Variants in CACTIN observed in about 807,000 individuals in gnomAD.
CACTIN encodes splicing factor Cactin.
CACTIN carries 20 observed loss-of-function variants against 84.9 expected under a neutral mutation model. That is an observed-to-expected ratio of 0.24 (90% CI 0.17 to 0.34). The LOEUF (loss-of-function observed/expected upper bound fraction) is 0.34. Among genes scored for constraint, CACTIN ranks in the 10% least tolerant of loss-of-function variants. CACTIN has a pLI of 1.00. For missense variants in CACTIN, 897 were observed against 1,117.2 expected, an observed-to-expected ratio of 0.80 and a Z score of 2.81; for synonymous variants, 549 against 467.9, an observed-to-expected ratio of 1.17 and a Z score of -2.24.
intron 7 of CACTIN, 121 bp downstream of exon 7, chr19:3,614,276 C>A: frequency 9.6e-7 from 1 of 1,041,218 alleles, no homozygotes; most frequent in African/African-American, 1.6e-5. Flanking sequence ...CACTTTCCTG[C>A]CCCTCTCCAC....
In CACTIN at chr19:3,621,828, G is replaced by A. The variant is rs566654317; in HGVS notation, c.643-1026C>T. On this transcript the variant is annotated intron_variant, in intron 2 of 9. Transcript: ENST00000429344. ...GAAGGGGCAGAGCATGTCCAGGCAGGGGCGCGGCAGTGTGAGGGCCCCGAG... is the reference window on the plus strand; with the variant it reads ...GAAGGGGCAGAGCATGTCCAGGCAGAGGCGCGGCAGTGTGAGGGCCCCGAG... Among the ~76,000 whole-genome samples, 503 of 152,314 alleles carry A rather than the reference G, an allele frequency of 3.3e-3. 3 individuals are homozygous for A. The highest frequency in any genetic ancestry group is 0.024 in the Middle Eastern group (7 of 294).
At chr19:3,624,640 C>T (rs539766542) in intron 1 of CACTIN, among the ~76,000 whole-genome samples, 21 of 151,874 alleles carry the variant, frequency 1.4e-4, no homozygotes, top group African/African-American at 4.6e-4. Flanking sequence ...GGAGGAGGCG[C>T]GGGCAGGGAG....
intron 4 of CACTIN, among the ~76,000 whole-genome samples, chr19:3,619,764 C>T (rs2033183969): frequency 6.6e-6 from 1 of 152,090 alleles, no homozygotes; most frequent in Non-Finnish European, 1.5e-5. Flanking sequence ...AGCCTGATGT[C>T]ACCCGCCACG....
chr19:3,612,588 T>C (rs1254320448), intron 9 of CACTIN, among the ~76,000 whole-genome samples, 175 bp from the exon 10 acceptor site: 1 of 152,144 alleles, frequency 6.6e-6, no homozygotes, highest in African/African-American at 2.4e-5. Context: ...ACCCACACCA[T>C]CCGCCCCGAG....
In CACTIN at chr19:3,618,857, G is replaced by C. The variant is rs761159062; in HGVS notation, c.1162+18C>G. ...CCCCCGCAGCTCCCCTGGAGCCCAG[G>C]CCCATGCCCGCCGTTACCTGGCCCC... On this transcript the variant is annotated intron_variant, in intron 6 of 9. Coordinates refer to ENST00000429344, the MANE Select transcript of CACTIN (RefSeq NM_001080543.2). The C allele has an allele frequency of 6.5e-7, 1 of 1,532,796 alleles. No individual in the cohort carries two copies. The highest frequency in any genetic ancestry group is 1.2e-5 in the South Asian group (1 of 83,548). The allele number at this position is 1,532,796 out of a possible 1,614,324, so 94.9% of individuals were successfully genotyped here.
rs1268209685 is a variant in CACTIN, at chr19:3,611,799, G to T, written c.*124C>A. On this transcript the variant is annotated 3_prime_UTR_variant, in exon 10 of 10. Coordinates refer to ENST00000429344, the MANE Select transcript of CACTIN (RefSeq NM_001080543.2). ...TGAGGCCTGGCGAAAGAAAGATGCG[G>T]CCTGAGGTGGGACGTGAACCCGCGG... The T allele has an allele frequency of 2.5e-6, 3 of 1,219,662 alleles. No individual in the cohort carries two copies. The highest frequency in any genetic ancestry group is 3.5e-6 in the Non-Finnish European group (3 of 857,570). The allele number at this position is 1,219,662 out of a possible 1,614,324, so 75.6% of individuals were successfully genotyped here.
rs1674497877 is a variant in CACTIN, at chr19:3,611,618, G to C, written c.*305C>G. 1.2e-5 allele frequency: 5 copies of C among 430,588 alleles called. No individual in the cohort carries two copies. Among genetic ancestry groups the C allele is most frequent in the Non-Finnish European group, 2.2e-5 (5 of 229,042 alleles). The allele number at this position is 430,588 out of a possible 1,614,324, so 26.7% of individuals were successfully genotyped here. A position where few individuals can be genotyped will look rare whatever the true frequency, so the allele number is the denominator to read the frequency against. Reference sequence around the variant, plus strand: ...GCGGTGGAGAGTGTCCGCCTGGACGGTGAGGTCAGCTGGCGGCTGCTGGCC... The same window carrying C: ...GCGGTGGAGAGTGTCCGCCTGGACGCTGAGGTCAGCTGGCGGCTGCTGGCC... On this transcript the variant is annotated 3_prime_UTR_variant, in exon 10 of 10. Transcript: ENST00000429344.
intron 1 of CACTIN, 22 bp downstream of exon 1, chr19:3,626,574 G>T: frequency 7.1e-7 from 1 of 1,411,434 alleles, no homozygotes. Context: ...GATCCCCAGC[G>T]CTGCTCCCGC....
intron 9 of CACTIN, 42 bp from the exon 10 acceptor site, chr19:3,612,455 T>C (rs1334431316): frequency 1.3e-6 from 2 of 1,536,302 alleles, no homozygotes; most frequent in East Asian, 2.3e-5. Flanking sequence ...GGCCTCCCCC[T>C]GGGTCCTGGC....
chr19:3,613,302 C>T lies in CACTIN; in HGVS notation c.1542G>A (p.Glu514=), dbSNP rs760329699. 1.7e-5 allele frequency: 27 copies of T among 1,590,508 alleles called. 1 individual carries two copies. The East Asian group carries it at 5.7e-4, about 34-fold the overall frequency. ...PGPSSEGGPA[E]AEVDGATPTE... is the part of the protein sequence containing the mutation. Reference sequence around the variant, plus strand: ...TCGGGGTCGCGCCGTCCACCTCGGCCTCCGCGGGGCCGCCCTCCGAGGAGG... The same window carrying T: ...TCGGGGTCGCGCCGTCCACCTCGGCTTCCGCGGGGCCGCCCTCCGAGGAGG... The change falls in exon 9 of 10, where the codon GAG becomes GAA. Residue 514 remains glutamate, a synonymous_variant. Coordinates refer to ENST00000429344, the MANE Select transcript of CACTIN (RefSeq NM_001080543.2).
In CACTIN at chr19:3,611,850, G is replaced by C. The variant is rs945320445; in HGVS notation, c.*73C>G. ...CCCTGCAGCCCAGACAGCGGCCCCG[G>C]AGTGACCACCAGCTTCACCGAAGCC... On this transcript the variant is annotated 3_prime_UTR_variant, in exon 10 of 10. Transcript: ENST00000429344. 5.1e-6 allele frequency: 8 copies of C among 1,565,298 alleles called. No homozygotes were observed. The African/African-American group carries it at 8.1e-5, about 16-fold the overall frequency.
chr19:3,618,818 G>T, intron 6 of CACTIN, 57 bp downstream of exon 6: 2 of 1,347,698 alleles, frequency 1.5e-6, no homozygotes, highest in Non-Finnish European at 2.0e-6. Context: ...GAGGCTTCTG[G>T]GTGAACACTG....
chr19:3,626,435 G>A (rs2033334763), intron 1 of CACTIN, among the ~76,000 whole-genome samples, 161 bp downstream of exon 1: 1 of 152,176 alleles, frequency 6.6e-6, no homozygotes, highest in African/African-American at 2.4e-5. Flanking sequence ...CCTTCCTTCC[G>A]CTGCCAGGTT....
rs1273698264 is a variant in CACTIN at position 3,613,380 on chromosome 19, C to T, written c.1479-15G>A. ...CAGGCTCCAGGCTGGGAGGAGAGAG[C>T]GTTGGAGGCGCGGAGGCTGCCCACG... On this transcript the variant is annotated splice_polypyrimidine_tract_variant and intron_variant, in intron 8 of 9. Coordinates refer to ENST00000429344, the MANE Select transcript of CACTIN (RefSeq NM_001080543.2). The T allele has an allele frequency of 2.0e-6, 3 of 1,527,798 alleles. No homozygotes were observed. Among genetic ancestry groups the T allele is most frequent in the East Asian group, 2.5e-5 (1 of 40,798 alleles). 94.6% of individuals were successfully genotyped at this position (1,527,798 alleles called of 1,614,324 possible).
chr19:3,612,838 C>G, intron 9 of CACTIN: 1 of 724,440 alleles, frequency 1.4e-6, no homozygotes, highest in Non-Finnish European at 2.5e-6. Flanking sequence ...GCTTCCACCA[C>G]CTGTGGCCCC....
Position 3,614,593 on chromosome 19 carries a change from C to A in CACTIN, c.1163-4G>T. 1.3e-6 allele frequency: 2 copies of A among 1,595,216 alleles called. No individual in the cohort carries two copies. The highest frequency in any genetic ancestry group is 1.7e-4 in the Middle Eastern group (1 of 6,030). Reference sequence around the variant, plus strand: ...TTGACCCCCTCGCGGCGCTCACCTGCAGCGGGGTGGGGGCATGGGGGGGCG... The same window carrying A: ...TTGACCCCCTCGCGGCGCTCACCTGAAGCGGGGTGGGGGCATGGGGGGGCG... On this transcript the variant is annotated splice_polypyrimidine_tract_variant and splice_region_variant and intron_variant, in intron 6 of 9. Coordinates refer to ENST00000429344, the MANE Select transcript of CACTIN (RefSeq NM_001080543.2).
rs541320499 is a variant in CACTIN, at chr19:3,610,809, G to A, written c.*1114C>T. On this transcript the variant is annotated 3_prime_UTR_variant, in exon 10 of 10. Coordinates refer to ENST00000429344, the MANE Select transcript of CACTIN (RefSeq NM_001080543.2). ...TCTGGGAGGGGCTGTGGGTGGTCTG[G>A]GGCTGGTGACTGGTGAGGTTGGGTG... is the stretch of plus-strand genomic sequence containing the variant. The A allele has an allele frequency of 3.7e-4, 170 of 456,822 alleles. No homozygotes were observed. Among genetic ancestry groups the A allele is most frequent in the Middle Eastern group, 6.5e-4 (2 of 3,078 alleles). The allele number at this position is 456,822 out of a possible 1,614,324, so 28.3% of individuals were successfully genotyped here.
chr19:3,617,299 G>A (rs2033123942), intron 6 of CACTIN, among the ~76,000 whole-genome samples: 1 of 152,214 alleles, frequency 6.6e-6, no homozygotes, highest in South Asian at 2.1e-4. Context: ...AAAGTAAAAG[G>A]AAAACCCCAA....
intron 2 of CACTIN, among the ~76,000 whole-genome samples, chr19:3,622,752 T>G (rs1298778031): frequency 2.6e-5 from 4 of 152,220 alleles, no homozygotes; most frequent in Admixed American, 6.5e-5. Flanking sequence ...GCCACTGGTG[T>G]GACTGGTGGC....
Sources: gnomAD v4.1 joint callset for allele counts (sites outside exome capture counted in the v4.1 genomes callset) on GRCh38, gnomAD v4.1.1 for gene constraint, MANE v1.5 for transcripts, NCBI Gene and HGNC (gene_info 2026-07-23, HGNC 2026-07-21) for gene names.